The following CSMD1 variants were observed in gnomAD, a reference collection of about 807,000 sequenced individuals.
The protein encoded by CSMD1 is CUB and Sushi multiple domains 1, also known as CUB and sushi domain-containing protein 1.
Under a neutral mutation model 417.5 loss-of-function variants are expected in CSMD1, and 213 were observed. The ratio of observed to expected loss-of-function variants is 0.51; its 90% CI spans 0.46 to 0.57. The LOEUF (loss-of-function observed/expected upper bound fraction) is 0.57. Among genes scored for constraint, CSMD1 ranks in the 20% least tolerant of loss-of-function variants. CSMD1 has a pLI of 0.00. For missense variants in CSMD1, 6,923 were observed against 4,529.7 expected (o/e 1.53, Z -15.17); for synonymous variants, 2,862 against 1,736.8 (o/e 1.65, Z -16.11).
intron 23 of CSMD1, among the ~76,000 whole-genome samples, chr8:3,319,150 G>C (rs572459270): frequency 1.3e-5 from 2 of 152,150 alleles, no homozygotes; most frequent in East Asian, 1.9e-4. Context: ...AAAAGGCCTA[G>C]CTTTTAAAAA....
rs73660005 is a variant in CSMD1 at position 3,436,624 on chromosome 8, C to T, written c.1562-27019G>A. ...TTATTGATCATAATAAACATCACAC[C>T]AACATAGTGATTACATGTATTTCAA... On this transcript the variant is annotated intron_variant, in intron 12 of 69. Coordinates refer to ENST00000635120, the MANE Select transcript of CSMD1 (RefSeq NM_033225.6). Among the ~76,000 whole-genome samples, 1,073 of 152,064 alleles carry T rather than the reference C, an allele frequency of 7.1e-3. 15 individuals are homozygous for T. The highest frequency in any genetic ancestry group is 0.024 in the African/African-American group (982 of 41,468).
chr8:3,260,340 C>G (rs1244758876), intron 26 of CSMD1, among the ~76,000 whole-genome samples: 2 of 152,208 alleles, frequency 1.3e-5, no homozygotes, highest in African/African-American at 4.8e-5. Context: ...TCAATGGGAA[C>G]CAGCAGCTGG....
intron 1 of CSMD1, among the ~76,000 whole-genome samples, chr8:4,958,795 CA>C (rs1809288556): frequency 6.6e-6 from 1 of 152,128 alleles, no homozygotes; most frequent in South Asian, 2.1e-4. Flanking sequence ...GCGGGGCTTT[CA>C]TGAAGAAAAT....
rs561716643 is a variant in CSMD1, at chr8:4,936,053, G to A, written c.85+58279C>T. 3.9e-5 allele frequency among the ~76,000 whole-genome samples: 6 copies of A among 152,310 alleles called. No homozygotes were observed. In the South Asian group the frequency reaches 1.0e-3, roughly 26 times the overall value. On this transcript the variant is annotated intron_variant, in intron 1 of 69. Transcript: ENST00000635120. ...ATTAGGGAGTGAAGACTTAATCAAAGAAACAGCAAAGGGAAATTGAAATCA... is the reference window on the plus strand; with the variant it reads ...ATTAGGGAGTGAAGACTTAATCAAAAAAACAGCAAAGGGAAATTGAAATCA...
chr8:4,708,774 T>A (rs552928651), intron 1 of CSMD1, among the ~76,000 whole-genome samples: 99 of 152,228 alleles, frequency 6.5e-4, no homozygotes, highest in Non-Finnish European at 1.1e-3. Flanking sequence ...GGGACTATAT[T>A]TGGAGAGAAG....
intron 5 of CSMD1, among the ~76,000 whole-genome samples, chr8:3,985,676 T>A (rs1198159921): frequency 6.6e-6 from 1 of 152,128 alleles, no homozygotes; most frequent in Non-Finnish European, 1.5e-5. Context: ...GCTAGAATTC[T>A]CATTACAACC....
intron 5 of CSMD1, among the ~76,000 whole-genome samples, chr8:3,974,980 A>G (rs896633867): frequency 2.9e-4 from 44 of 152,306 alleles, no homozygotes; most frequent in African/African-American, 1.0e-3. Flanking sequence ...GATTTTCCCT[A>G]TGTGGAATGC....
intron 3 of CSMD1, among the ~76,000 whole-genome samples, chr8:4,183,066 T>A (rs1214340312): frequency 6.6e-6 from 1 of 152,180 alleles, no homozygotes; most frequent in Non-Finnish European, 1.5e-5. Flanking sequence ...ATACCACTGC[T>A]AGATGTCACA....
intron 1 of CSMD1, among the ~76,000 whole-genome samples, chr8:4,660,353 C>T (rs181467805): frequency 0.034 from 5,058 of 150,004 alleles, 130 homozygotes; most frequent in East Asian, 0.13. Flanking sequence ...AAAACACATA[C>T]AGGATGTGTT....
chr8:4,141,040 C>G lies in CSMD1; in HGVS notation c.416-108941G>C, dbSNP rs900078541. On this transcript the variant is annotated intron_variant, in intron 3 of 69. Transcript: ENST00000635120. ...TTCCTTACAAACATTGCCGTTTCAT[C>G]TATTTAGTTCTAACAAATTATAAAA... Among the ~76,000 whole-genome samples, 2 of 151,260 alleles carry G rather than the reference C, an allele frequency of 1.3e-5. 1 individual carries two copies. Among genetic ancestry groups the G allele is most frequent in the African/African-American group, 4.9e-5 (2 of 40,550 alleles).
At chr8:4,985,233 A>G (rs1811114922) in intron 1 of CSMD1, among the ~76,000 whole-genome samples, 1 of 152,138 alleles carries the variant, frequency 6.6e-6, no homozygotes, top group Non-Finnish European at 1.5e-5. Context: ...GGGAGGAGGG[A>G]GAGGATTAGG....
At position 2,938,588 on chromosome 8, in the gene CSMD1, T is replaced by C. The variant is rs1361868403; in HGVS notation, c.10692A>G (p.Val3564=). The C allele has an allele frequency of 3.1e-6, 5 of 1,611,130 alleles. No individual in the cohort carries two copies. Among genetic ancestry groups the C allele is most frequent in the South Asian group, 1.1e-5 (1 of 90,252 alleles). Residue 3564 remains valine, a synonymous_variant, in exon 70 of 70, where the codon GTA becomes GTG. Transcript: ENST00000635120. The part of the protein sequence containing the change: ...DTTLNTVCTV[V] ...AGTCCTGTTGGGGCACTGAGGGCTA[T>C]ACCACTGTACAGACTGTGTTCAGAG...
At chr8:3,885,877 A>T (rs1016576066) in intron 5 of CSMD1, among the ~76,000 whole-genome samples, 1 of 152,150 alleles carries the variant, frequency 6.6e-6, no homozygotes, top group African/African-American at 2.4e-5. Context: ...CTTTTGCTAA[A>T]TTTTTCTAAA....
chr8:4,468,811 T>G (rs745598129), intron 2 of CSMD1, among the ~76,000 whole-genome samples: 2 of 152,160 alleles, frequency 1.3e-5, no homozygotes, highest in African/African-American at 2.4e-5. Context: ...TCAATAATTA[T>G]TGTATTGAAT....
intron 3 of CSMD1, among the ~76,000 whole-genome samples, chr8:4,032,508 G>T (rs13269242): frequency 0.12 from 18,840 of 152,166 alleles, 1,455 homozygotes; most frequent in South Asian, 0.23. Context: ...CTGCAAGAGT[G>T]AATACTCATA....
intron 54 of CSMD1, among the ~76,000 whole-genome samples, chr8:2,980,639 A>T (rs932144402): frequency 5.9e-4 from 90 of 151,802 alleles, no homozygotes; most frequent in African/African-American, 2.2e-3. Flanking sequence ...TCTGAGTTCC[A>T]CCACGGCTGG....
intron 49 of CSMD1, among the ~76,000 whole-genome samples, chr8:3,060,625 T>A (rs1300777325): frequency 6.6e-6 from 1 of 152,248 alleles, no homozygotes; most frequent in African/African-American, 2.4e-5. Context: ...AAATTCATGT[T>A]TCACTTTCTC....
chr8:3,628,589 G>C (rs923729721), intron 7 of CSMD1, among the ~76,000 whole-genome samples: 1 of 152,204 alleles, frequency 6.6e-6, no homozygotes, highest in Non-Finnish European at 1.5e-5. Flanking sequence ...GGGCATCATG[G>C]CAAGTGCAGG....
At chr8:3,660,441 G>A (rs964855247) in intron 7 of CSMD1, among the ~76,000 whole-genome samples, 1 of 136,940 alleles carries the variant, frequency 7.3e-6, no homozygotes, top group Non-Finnish European at 1.6e-5. Flanking sequence ...AAACACAGGA[G>A]TAAGAATTTA....
Sources: gnomAD v4.1 joint callset for allele counts (sites outside exome capture counted in the v4.1 genomes callset) on GRCh38, gnomAD v4.1.1 for gene constraint, MANE v1.5 for transcripts, NCBI Gene and HGNC (gene_info 2026-07-23, HGNC 2026-07-21) for gene names.